Variants in VRK3 observed in about 807,000 individuals in gnomAD.
The protein encoded by VRK3 is VRK serine/threonine kinase 3, also known as serine/threonine-protein kinase VRK3.
In VRK3, 50 loss-of-function variants were observed where a neutral mutation model predicts 60.4. The ratio of observed to expected loss-of-function variants is 0.83; its 90% CI spans 0.66 to 1.05. The LOEUF is 1.05. Ranked by LOEUF, VRK3 falls within the 50% of genes least tolerant of loss-of-function variation. The pLI is 0.00. For synonymous variants in VRK3, 246 were observed against 227.8 expected (o/e 1.08, Z -0.72); for missense variants, 549 against 585.3 (o/e 0.94, Z 0.64).
intron 5 of VRK3, among the ~76,000 whole-genome samples, chr19:50,006,534 C>T (rs578074405): frequency 3.2e-4 from 49 of 151,846 alleles, no homozygotes; most frequent in African/African-American, 1.0e-3. Flanking sequence ...AGCCACCACA[C>T]CCGGCTAATT....
At position 50,003,586 on chromosome 19, in the gene VRK3, C is replaced by T. The variant is rs538514781; in HGVS notation, c.548-2732G>A. The stretch of plus-strand genomic sequence containing the variant: ...TATAGTTCAGTACTGGACAGAGACA[C>T]AAGAGTTAATAAAATGCTTAGAGCA... On this transcript the variant is annotated intron_variant, in intron 5 of 14. Coordinates refer to ENST00000316763, the MANE Select transcript of VRK3 (RefSeq NM_016440.4). 2.6e-5 allele frequency among the ~76,000 whole-genome samples: 4 copies of T among 152,328 alleles called. No homozygotes were observed. In the South Asian group the frequency reaches 6.2e-4, roughly 24 times the overall value.
At position 50,016,072 on chromosome 19, in the gene VRK3, G is replaced by C. The variant is rs761297046; in HGVS notation, c.91C>G (p.His31Asp). 3 of 1,614,184 alleles carry C rather than the reference G, an allele frequency of 1.9e-6. No individual in the cohort carries two copies. Among genetic ancestry groups the C allele is most frequent in the Non-Finnish European group, 2.5e-6 (3 of 1,180,040 alleles). The part of the protein sequence containing the change: ...YCGNSLPVEE[H>D]VGSQTFVNPH... ...TTGACAAAGGTCTGGGACCCTACAT[G>C]CTCCTCTACAGGCAAAGAATTTCCA... is the stretch of plus-strand genomic sequence containing the variant. The change falls in exon 3 of 15, where the codon CAT becomes GAT. Residue 31 changes from histidine to aspartate, a missense_variant. Coordinates refer to ENST00000316763, the MANE Select transcript of VRK3 (RefSeq NM_016440.4).
chr19:50,004,771 G>T (rs4802647), intron 5 of VRK3, among the ~76,000 whole-genome samples: 1 of 151,784 alleles, frequency 6.6e-6, no homozygotes, highest in Non-Finnish European at 1.5e-5. Flanking sequence ...TTAGCCTGGC[G>T]TGGTGGCGCC....
intron 6 of VRK3, chr19:49,999,701 TC>T (rs1482115580): frequency 6.7e-6 from 1 of 149,706 alleles, no homozygotes; most frequent in Non-Finnish European, 1.5e-5. Flanking sequence ...ACTGGGAGCC[TC>T]TCCAGGGCTG....
At chr19:50,006,533 A>G (rs148935239) in intron 5 of VRK3, among the ~76,000 whole-genome samples, 7,931 of 150,732 alleles carry the variant, frequency 0.053, 678 homozygotes, top group African/African-American at 0.18. Context: ...CAGCCACCAC[A>G]CCCGGCTAAT....
intron 11 of VRK3, among the ~76,000 whole-genome samples, chr19:49,988,930 A>T (rs544348001): frequency 2.8e-4 from 42 of 152,284 alleles, no homozygotes; most frequent in Non-Finnish European, 5.0e-4. Flanking sequence ...TACCAAACCC[A>T]GCCTCAGTGG....
rs2076924664 is a variant in VRK3, at chr19:50,007,835, G to A, written c.290-9C>T. The A allele has an allele frequency of 1.9e-6, 3 of 1,614,056 alleles. No homozygotes were observed. The highest frequency in any genetic ancestry group is 2.2e-5 in the South Asian group (2 of 91,078). ...GGGTCTGCTCCCGGAGCCTGCAGGA[G>A]GATGTAAGAATAAAGTAAAAGCACC... On this transcript the variant is annotated splice_polypyrimidine_tract_variant and intron_variant, in intron 4 of 14. Coordinates refer to ENST00000316763, the MANE Select transcript of VRK3 (RefSeq NM_016440.4).
chr19:49,980,876 G>C, intron 13 of VRK3, 79 bp downstream of exon 13: 1 of 1,153,472 alleles, frequency 8.7e-7, no homozygotes, highest in Non-Finnish European at 1.2e-6. Context: ...GAGGTGTAAG[G>C]AGAAGCCACC....
intron 3 of VRK3, chr19:50,015,682 A>G (rs1169591704): frequency 3.3e-5 from 8 of 242,214 alleles, no homozygotes; most frequent in Non-Finnish European, 6.5e-5. Flanking sequence ...GAAAAAATCC[A>G]AAATCAGAAT....
chr19:49,977,167 G>A (rs1427783573), intron 14 of VRK3, among the ~76,000 whole-genome samples: 1 of 152,076 alleles, frequency 6.6e-6, no homozygotes, highest in South Asian at 2.1e-4. Flanking sequence ...AGGTGCAAAG[G>A]TTCCGGGGTG....
At chr19:50,021,150 C>G (rs1318455401) in intron 1 of VRK3, among the ~76,000 whole-genome samples, 1 of 152,204 alleles carries the variant, frequency 6.6e-6, no homozygotes, top group Non-Finnish European at 1.5e-5. Flanking sequence ...GTCTATACAA[C>G]AGCCCAGGAC....
In VRK3 at chr19:49,991,518, T is replaced by TACACACACACACAC. The variant is rs937491646; in HGVS notation, c.963+1328_963+1341dup. ...AAGCCAATTCCTTATAATAAATCTC[T>TACACACACACACAC]ACACACACACACACACGCACACACA... On this transcript the variant is annotated intron_variant, in intron 10 of 14. Coordinates refer to ENST00000316763, the MANE Select transcript of VRK3 (RefSeq NM_016440.4). 4.6e-3 allele frequency among the ~76,000 whole-genome samples: 694 copies of TACACACACACACAC among 150,812 alleles called. 2 individuals are homozygous for TACACACACACACAC. The highest frequency in any genetic ancestry group is 0.016 in the African/African-American group (656 of 40,878).
chr19:50,012,410 T>C (rs2077009875), intron 3 of VRK3, among the ~76,000 whole-genome samples: 1 of 152,210 alleles, frequency 6.6e-6, no homozygotes, highest in Admixed American at 6.5e-5. Context: ...CTGCTGATAA[T>C]CATTTATTCA....
At chr19:50,017,531 A>G (rs10416786) in intron 2 of VRK3, among the ~76,000 whole-genome samples, 7,071 of 140,824 alleles carry the variant, frequency 0.05, 591 homozygotes, top group African/African-American at 0.18. Context: ...CCGAGATCTC[A>G]CCATCACACT....
At chr19:50,008,797 A>G (rs1296412637) in intron 4 of VRK3, 1 of 154,700 alleles carries the variant, frequency 6.5e-6, no homozygotes, top group Non-Finnish European at 1.4e-5. Context: ...GAAGCTTCCT[A>G]GAGACCAGTA....
intron 3 of VRK3, among the ~76,000 whole-genome samples, chr19:50,013,201 C>T (rs751169959): frequency 2.6e-5 from 4 of 152,126 alleles, no homozygotes; most frequent in Non-Finnish European, 5.9e-5. Flanking sequence ...CACTCTGACT[C>T]TCAAGTTGGG....
intron 7 of VRK3, among the ~76,000 whole-genome samples, chr19:49,996,662 A>G (rs1041267404): frequency 5.3e-5 from 8 of 152,052 alleles, no homozygotes; most frequent in Non-Finnish European, 1.2e-4. Flanking sequence ...TATCGCCCAG[A>G]CTGGAGTGCA....
At chr19:50,004,185 C>T (rs938296895) in intron 5 of VRK3, among the ~76,000 whole-genome samples, 2 of 152,168 alleles carry the variant, frequency 1.3e-5, no homozygotes, top group Non-Finnish European at 2.9e-5. Context: ...CCTGTGCTTC[C>T]ACTGTGGGTT....
At position 49,997,577 on chromosome 19, in the gene VRK3, G is replaced by A. The variant is rs1452225672; in HGVS notation, c.613-7C>T. 6.2e-7 allele frequency: 1 copy of A among 1,613,792 alleles called. No homozygotes were observed. The highest frequency in any genetic ancestry group is 1.1e-5 in the South Asian group (1 of 91,014). ...AGCGCCCATCCTTGGCATCCTGGTG[G>A]GGGACAGGAGGGGCAGAAGGCTGTC... On this transcript the variant is annotated splice_region_variant and splice_polypyrimidine_tract_variant and intron_variant, in intron 6 of 14. Transcript: ENST00000316763.
Sources: allele counts gnomAD v4.1 joint callset (sites outside exome capture counted in the v4.1 genomes callset), GRCh38; gene constraint gnomAD v4.1.1; transcripts MANE v1.5; gene names NCBI Gene and HGNC (gene_info 2026-07-23, HGNC 2026-07-21).